ARHGAP15: variants seen among roughly 807,000 people sequenced by gnomAD.
ARHGAP15 encodes the protein Rho GTPase activating protein 15.
In ARHGAP15, 51 loss-of-function variants were observed where a neutral mutation model predicts 63.7. The observed-to-expected ratio is 0.80, with a 90% CI of 0.64 to 1.01. The LOEUF is 1.01. Among genes scored for constraint, ARHGAP15 ranks in the 50% least tolerant of loss-of-function variants. The pLI is 0.00. For synonymous variants in ARHGAP15, 191 were observed against 193.8 expected (o/e 0.99, Z 0.12); for missense variants, 560 against 564.6 (o/e 0.99, Z 0.08).
intron 6 of ARHGAP15, among the ~76,000 whole-genome samples, chr2:143,413,967 GCGCGC>G (rs1558955045): frequency 1.1e-4 from 3 of 26,634 alleles, no homozygotes; most frequent in Non-Finnish European, 1.6e-4. Flanking sequence ...GTGTGTGTGT[GCGCGC>G]TCTCTGGCAG....
intron 12 of ARHGAP15, among the ~76,000 whole-genome samples, chr2:143,638,214 C>T (rs1399703685): frequency 1.9e-4 from 28 of 143,912 alleles, no homozygotes; most frequent in Admixed American, 1.4e-3. Flanking sequence ...ATGTTTATTG[C>T]GGCACTATTC....
At chr2:143,560,394 A>G (rs1695971139) in intron 11 of ARHGAP15, among the ~76,000 whole-genome samples, 1 of 152,194 alleles carries the variant, frequency 6.6e-6, no homozygotes, top group African/African-American at 2.4e-5. Context: ...AGGCACTATT[A>G]TTATTCCCAT....
chr2:143,250,485 T>C (rs1680102440), intron 5 of ARHGAP15, 26 bp from the exon 6 acceptor site: 1 of 1,581,034 alleles, frequency 6.3e-7, no homozygotes, highest in East Asian at 2.2e-5. Flanking sequence ...CATCCTCTTA[T>C]TCTTACTTCA....
chr2:143,130,019 T>A (rs1688857798), intron 1 of ARHGAP15, among the ~76,000 whole-genome samples: 1 of 152,142 alleles, frequency 6.6e-6, no homozygotes, highest in Non-Finnish European at 1.5e-5. Context: ...TCATGACACT[T>A]GAAATTTTTT....
At chr2:143,413,966 T>TGTGTGTGTGTGTGCGCGCGCGCGC in intron 6 of ARHGAP15, among the ~76,000 whole-genome samples, 373 of 117,894 alleles carry the variant, frequency 3.2e-3, no homozygotes, top group Admixed American at 0.01. Context: ...TGTGTGTGTG[T>TGTGTGTGTGTGTGCGCGCGCGCGC]GCGCGCTCTC....
intron 12 of ARHGAP15, among the ~76,000 whole-genome samples, chr2:143,669,131 G>A (rs1000592552): frequency 2.0e-5 from 3 of 152,114 alleles, no homozygotes; most frequent in African/African-American, 4.8e-5. Context: ...CACACTAAAA[G>A]TATCCACTTA....
At chr2:143,396,551 ATTGTGTGCGTGTGTGTTTTTT>A (rs1687768136) in intron 6 of ARHGAP15, among the ~76,000 whole-genome samples, 1 of 151,770 alleles carries the variant, frequency 6.6e-6, no homozygotes. Flanking sequence ...TAAGGAGCTT[ATTGTGTGCGTGTGTGTTTTTT>A]AAGTACGCTC....
chr2:143,373,639 A>AC (rs1484258676), intron 6 of ARHGAP15, among the ~76,000 whole-genome samples: 1 of 149,406 alleles, frequency 6.7e-6, no homozygotes, highest in Non-Finnish European at 1.5e-5. Flanking sequence ...CAAAAAAAAA[A>AC]AAAAAAAAAA....
intron 8 of ARHGAP15, among the ~76,000 whole-genome samples, chr2:143,484,998 G>A (rs1313485369): frequency 1.3e-5 from 2 of 152,068 alleles, no homozygotes; most frequent in African/African-American, 4.8e-5. Context: ...AGGCTGTCTT[G>A]GTCTTGCCTA....
intron 12 of ARHGAP15, among the ~76,000 whole-genome samples, chr2:143,645,931 A>T (rs1680852898): frequency 6.6e-6 from 1 of 152,132 alleles, no homozygotes; most frequent in Admixed American, 6.6e-5. Context: ...TTAGATGAGG[A>T]AACTGAAGCA....
intron 6 of ARHGAP15, among the ~76,000 whole-genome samples, chr2:143,307,094 T>C (rs558971132): frequency 6.6e-6 from 1 of 152,092 alleles, no homozygotes; most frequent in African/African-American, 2.4e-5. Flanking sequence ...CTTTATGACA[T>C]AGCTGATTGT....
Position 143,156,797 on chromosome 2 carries a change from T to C in ARHGAP15, c.165+1142T>C, listed in dbSNP as rs144284988. 2.4e-3 allele frequency among the ~76,000 whole-genome samples: 363 copies of C among 152,072 alleles called. 5 individuals are homozygous for C. The highest frequency in any genetic ancestry group is 8.4e-3 in the African/African-American group (347 of 41,540). ...TAACTAATGAGATATGCATTTTTCTTTATTTACTTTCTCATTTAAAAGTAT... is the reference window on the plus strand; with the variant it reads ...TAACTAATGAGATATGCATTTTTCTCTATTTACTTTCTCATTTAAAAGTAT... On this transcript the variant is annotated intron_variant, in intron 2 of 13. Coordinates refer to ENST00000295095, the MANE Select transcript of ARHGAP15 (RefSeq NM_018460.4).
chr2:143,537,300 T>G (rs1394165675), intron 10 of ARHGAP15, among the ~76,000 whole-genome samples: 3 of 152,182 alleles, frequency 2.0e-5, no homozygotes, highest in African/African-American at 7.2e-5. Context: ...ATGAGTAAGT[T>G]GCAAAAATTT....
chr2:143,649,033 C>T (rs952514762), intron 12 of ARHGAP15: 7 of 151,842 alleles, frequency 4.6e-5, no homozygotes, highest in Non-Finnish European at 1.0e-4. Flanking sequence ...ATTTCATAAC[C>T]CCTAGTCAAT....
intron 10 of ARHGAP15, among the ~76,000 whole-genome samples, chr2:143,543,889 A>G (rs1695213967): frequency 1.3e-5 from 2 of 152,290 alleles, no homozygotes; most frequent in South Asian, 4.1e-4. Context: ...AACAGCCCTT[A>G]TGTAGTACAG....
At chr2:143,753,640 A>C (rs1426819262) in intron 13 of ARHGAP15, among the ~76,000 whole-genome samples, 1 of 152,224 alleles carries the variant, frequency 6.6e-6, no homozygotes. Context: ...TATTACATAC[A>C]TTTTGAAAGG....
At chr2:143,674,829 G>A (rs1021811490) in intron 12 of ARHGAP15, among the ~76,000 whole-genome samples, 2 of 152,132 alleles carry the variant, frequency 1.3e-5, no homozygotes, top group Admixed American at 6.5e-5. Flanking sequence ...TAATCTTTTC[G>A]CTGGTGGAGG....
chr2:143,380,433 G>A (rs1169709909), intron 6 of ARHGAP15, among the ~76,000 whole-genome samples: 3 of 152,112 alleles, frequency 2.0e-5, no homozygotes, highest in Non-Finnish European at 4.4e-5. Flanking sequence ...GTTTGTTAGA[G>A]ATAGTCCTGC....
At chr2:143,134,476 G>A (rs1689050632) in intron 1 of ARHGAP15, among the ~76,000 whole-genome samples, 1 of 152,112 alleles carries the variant, frequency 6.6e-6, no homozygotes, top group African/African-American at 2.4e-5. Context: ...AAGATTAAAG[G>A]TCGATTTGCT....
Sources: gnomAD v4.1 joint callset for allele counts (sites outside exome capture counted in the v4.1 genomes callset) on GRCh38, gnomAD v4.1.1 for gene constraint, MANE v1.5 for transcripts, NCBI Gene and HGNC (gene_info 2026-07-23, HGNC 2026-07-21) for gene names.